Variants in PCDHA3 observed in about 807,000 individuals in gnomAD.
The protein encoded by PCDHA3 is protocadherin alpha-3.
In PCDHA3, 41 loss-of-function variants were observed where a neutral mutation model predicts 62.2. The ratio of observed to expected loss-of-function variants is 0.66; its 90% confidence interval spans 0.51 to 0.86. The LOEUF (loss-of-function observed/expected upper bound fraction) is 0.86, where lower values mean the gene tolerates loss of function less well. PCDHA3 is among the 40% of genes least tolerant of loss of function. The pLI is 0.00. For missense variants in PCDHA3, 1,304 were observed against 1,241.2 expected, an observed-to-expected ratio of 1.05 and a Z score of -0.76; for synonymous variants, 640 against 555.4, an observed-to-expected ratio of 1.15 and a Z score of -2.14.
At chr5:140,890,923 C>T (rs535912661) in intron 1 of PCDHA3, among the ~76,000 whole-genome samples, 1 of 152,202 alleles carries the variant, frequency 6.6e-6, no homozygotes, top group East Asian at 1.9e-4. Context: ...TTGAGAGTTT[C>T]CTTTAGTCCA....
rs2150358815 is a variant in PCDHA3 at position 140,843,384 on chromosome 5, G to A, written c.2394+39793G>A. The A allele has an allele frequency of 2.5e-6, 4 of 1,596,128 alleles. No individual in the cohort carries two copies. The Admixed American group carries it at 6.7e-5, about 27-fold the overall frequency. On this transcript the variant is annotated intron_variant, in intron 1 of 3. Coordinates refer to ENST00000522353, the MANE Select transcript of PCDHA3 (RefSeq NM_018906.3). ...TCGAGGCAGTCGGCTGGCGTTTTGG[G>A]TCCGGAAGCGGCGCTGGTGGATGTC...
At chr5:140,805,090 G>A in intron 1 of PCDHA3, 7 of 1,592,872 alleles carry the variant, frequency 4.4e-6, no homozygotes, top group Non-Finnish European at 6.0e-6. Flanking sequence ...AATCCAGCTT[G>A]CCTCTTGAAA....
intron 3 of PCDHA3, among the ~76,000 whole-genome samples, chr5:140,994,538 A>G (rs1554254218): frequency 1.8e-5 from 2 of 111,930 alleles, no homozygotes; most frequent in African/African-American, 9.1e-5. Context: ...CCCCATCTCT[A>G]CAAAAAAAAT....
intron 1 of PCDHA3, among the ~76,000 whole-genome samples, chr5:140,909,265 G>A (rs1289313376): frequency 3.3e-5 from 5 of 152,192 alleles, no homozygotes; most frequent in Non-Finnish European, 7.3e-5. Flanking sequence ...CTGACTGAAG[G>A]CAAATTGCTT....
rs1340028669 is a variant in PCDHA3 at position 140,846,205 on chromosome 5, T to A, written c.2394+42614T>A. ...GTTTGAGTTCTTTGTATGTATGAGA[T>A]CTTTCCATTAATAGTATTTTTCTTA... On this transcript the variant is annotated intron_variant, in intron 1 of 3. Transcript: ENST00000522353. Among the ~76,000 whole-genome samples, 4 of 149,544 alleles carry A rather than the reference T, an allele frequency of 2.7e-5. 1 individual carries two copies. The highest frequency in any genetic ancestry group is 6.0e-5 in the Non-Finnish European group (4 of 66,902).
chr5:140,862,997 G>T, intron 1 of PCDHA3: 1 of 549,924 alleles, frequency 1.8e-6, no homozygotes, highest in Non-Finnish European at 3.6e-6. Context: ...GCGCACGGTG[G>T]ACTCCAGCTA....
chr5:140,869,586 CAT>C, intron 1 of PCDHA3: 6 of 1,614,150 alleles, frequency 3.7e-6, no homozygotes, highest in Non-Finnish European at 5.1e-6. Flanking sequence ...CTGATGCTGA[CAT>C]TGAAGAGAAT....
rs1554138958 is a variant in PCDHA3, at chr5:140,842,308, C to T, written c.2394+38717C>T. On this transcript the variant is annotated intron_variant, in intron 1 of 3. Coordinates refer to ENST00000522353, the MANE Select transcript of PCDHA3 (RefSeq NM_018906.3). ...ACGCCACGGACAAAGGCCATCCTCC[C>T]ATGGCGGGTCATTGCACCGTTTTAG... The T allele has an allele frequency of 3.1e-6, 5 of 1,607,710 alleles. No individual in the cohort carries two copies. The African/African-American group carries it at 5.4e-5, about 17-fold the overall frequency.
chr5:140,983,363 C>A (rs574253600), intron 3 of PCDHA3, among the ~76,000 whole-genome samples: 33 of 152,290 alleles, frequency 2.2e-4, no homozygotes, highest in African/African-American at 7.9e-4. Context: ...AGAAATATGG[C>A]TTTGGAGGCC....
Position 141,007,689 on chromosome 5 carries a change from A to G in PCDHA3, c.2543-1938A>G, listed in dbSNP as rs545850175. Among the ~76,000 whole-genome samples the G allele has an allele frequency of 3.5e-4, 53 of 152,196 alleles. 1 individual carries two copies. Among genetic ancestry groups the G allele is most frequent in the African/African-American group, 1.3e-3 (52 of 41,536 alleles). On this transcript the variant is annotated intron_variant, in intron 3 of 3. Coordinates refer to ENST00000522353, the MANE Select transcript of PCDHA3 (RefSeq NM_018906.3). ...CAAAGACAAAAGTTATCCTACTTCC[A>G]CCTCCCTCCTCTGCCTCCCACCACC...
At chr5:140,851,899 C>T (rs1295773158) in intron 1 of PCDHA3, 2 of 973,488 alleles carry the variant, frequency 2.1e-6, no homozygotes, top group African/African-American at 1.8e-5. Flanking sequence ...AGATTTGCCT[C>T]TTTAATGTCA....
rs1763140859 is a variant in PCDHA3, at chr5:140,803,190, G to T, written c.1993G>T (p.Val665Leu). ...GEPSLTATAT[V>L]LVSLVESGQA... Reference sequence around the variant, plus strand: ...ACCCTCATTGACCGCCACGGCCACTGTGCTGGTGTCGCTGGTGGAGAGTGG... The same window carrying T: ...ACCCTCATTGACCGCCACGGCCACTTTGCTGGTGTCGCTGGTGGAGAGTGG... Residue 665 changes from valine to leucine, a missense_variant, in exon 1 of 4, where the codon GTG becomes TTG. Coordinates refer to ENST00000522353, the MANE Select transcript of PCDHA3 (RefSeq NM_018906.3). 4 of 1,613,946 alleles carry T rather than the reference G, an allele frequency of 2.5e-6. No individual in the cohort carries two copies. The highest frequency in any genetic ancestry group is 3.4e-6 in the Non-Finnish European group (4 of 1,179,946).
intron 1 of PCDHA3, among the ~76,000 whole-genome samples, chr5:140,919,250 T>G (rs1471325437): frequency 6.6e-6 from 1 of 152,236 alleles, no homozygotes; most frequent in African/African-American, 2.4e-5. Flanking sequence ...TTGTCTGTTT[T>G]GTCTGATATT....
chr5:140,984,178 A>C (rs2097090747), intron 3 of PCDHA3, among the ~76,000 whole-genome samples: 1 of 152,184 alleles, frequency 6.6e-6, no homozygotes, highest in South Asian at 2.1e-4. Context: ...AGCCACGTGA[A>C]ATCATGACTT....
chr5:141,006,843 T>A (rs2098291274), intron 3 of PCDHA3, among the ~76,000 whole-genome samples: 1 of 152,154 alleles, frequency 6.6e-6, no homozygotes, highest in Non-Finnish European at 1.5e-5. Context: ...TTACTGAAAC[T>A]GGAAAGATTT....
At chr5:140,873,044 A>G (rs115529200) in intron 1 of PCDHA3, among the ~76,000 whole-genome samples, 15 of 152,172 alleles carry the variant, frequency 9.9e-5, no homozygotes, top group Non-Finnish European at 1.8e-4. Flanking sequence ...GAGTGGTGGT[A>G]TTACAGACTT....
intron 1 of PCDHA3, among the ~76,000 whole-genome samples, chr5:140,897,497 G>C (rs1554187423): frequency 6.6e-6 from 1 of 152,010 alleles, no homozygotes; most frequent in Admixed American, 6.6e-5. Flanking sequence ...TTTCAACCAT[G>C]TCCCTACAAA....
chr5:140,836,021 C>T lies in PCDHA3; in HGVS notation c.2394+32430C>T, dbSNP rs2150250890. On this transcript the variant is annotated intron_variant, in intron 1 of 3. Transcript: ENST00000522353. ...GCGATGCGGGCGTGCCGCCTCTGGG[C>T]AGCAACGTGACGCTGCAGGTGTTCG... is the stretch of plus-strand genomic sequence containing the variant. The T allele has an allele frequency of 3.1e-6, 5 of 1,613,270 alleles. No homozygotes were observed. In the East Asian group the frequency reaches 8.9e-5, roughly 29 times the overall value.
At position 140,850,713 on chromosome 5, in the gene PCDHA3, G is replaced by T. The variant is rs186966305; in HGVS notation, c.2394+47122G>T. 415 of 1,598,196 alleles carry T rather than the reference G, an allele frequency of 2.6e-4. 13 individuals are homozygous for T. The East Asian group carries it at 6.7e-3, about 26-fold the overall frequency. ...GTGCGCGCCTGGCAAGCCGACGCTGGTGTGTTCTAGCGCGGTGGGGAGTTG... is the reference window on the plus strand; with the variant it reads ...GTGCGCGCCTGGCAAGCCGACGCTGTTGTGTTCTAGCGCGGTGGGGAGTTG... On this transcript the variant is annotated intron_variant, in intron 1 of 3. Coordinates refer to ENST00000522353, the MANE Select transcript of PCDHA3 (RefSeq NM_018906.3).
Sources: allele counts gnomAD v4.1 joint callset (sites outside exome capture counted in the v4.1 genomes callset), GRCh38; gene constraint gnomAD v4.1.1; transcripts MANE v1.5; gene names NCBI Gene and HGNC (gene_info 2026-07-23, HGNC 2026-07-21).